Variants in GPM6A observed in about 807,000 individuals in gnomAD.
GPM6A encodes the protein neuronal membrane glycoprotein M6-a.
A neutral mutation model predicts 32.1 loss-of-function variants in GPM6A; 7 were observed. That is an observed-to-expected ratio of 0.22 (90% CI 0.12 to 0.41). The LOEUF (loss-of-function observed/expected upper bound fraction) is 0.41. GPM6A is among the 10% of genes least tolerant of loss of function. The pLI is 1.00. For synonymous variants in GPM6A, 130 were observed against 123.4 expected (o/e 1.05, Z -0.35); for missense variants, 235 against 347.2 (o/e 0.68, Z 2.57).
intron 3 of GPM6A, among the ~76,000 whole-genome samples, chr4:175,663,644 C>CTTTT (rs1475236577): frequency 6.6e-6 from 1 of 151,696 alleles, no homozygotes; most frequent in African/African-American, 2.4e-5. Context: ...ATATATACAA[C>CTTTT]TTTTACTTGT....
At chr4:175,751,681 G>GTATT (rs1316770869) in intron 1 of GPM6A, among the ~76,000 whole-genome samples, 1 of 151,414 alleles carries the variant, frequency 6.6e-6, no homozygotes, top group Non-Finnish European at 1.5e-5. Context: ...AGCTAATGTA[G>GTATT]TATTACATGT....
At chr4:175,637,295 TATTATATATTATATATAATATAA>T (rs1740741524) in intron 6 of GPM6A, among the ~76,000 whole-genome samples, 1 of 69,142 alleles carries the variant, frequency 1.4e-5, no homozygotes, top group African/African-American at 5.7e-5. Flanking sequence ...ATAAAATATA[TATTATATATTATATATAATATAA>T]AATATATATT....
intron 1 of GPM6A, among the ~76,000 whole-genome samples, chr4:175,965,943 A>T (rs959218118): frequency 6.6e-6 from 1 of 152,128 alleles, no homozygotes; most frequent in African/African-American, 2.4e-5. Context: ...ATCCATAGAC[A>T]TTTAAAAGCT....
intron 1 of GPM6A, among the ~76,000 whole-genome samples, chr4:175,759,642 T>C (rs1343313847): frequency 6.6e-6 from 1 of 152,124 alleles, no homozygotes; most frequent in African/African-American, 2.4e-5. Flanking sequence ...CTATGAATGG[T>C]GGTTATCCCA....
intron 1 of GPM6A, among the ~76,000 whole-genome samples, chr4:175,977,993 A>C (rs1300553754): frequency 6.6e-6 from 1 of 152,182 alleles, no homozygotes; most frequent in Admixed American, 6.5e-5. Flanking sequence ...GGTTTCTCCA[A>C]ATTTTCCAAA....
intron 1 of GPM6A, among the ~76,000 whole-genome samples, chr4:175,901,148 C>T (rs1026864276): frequency 4.9e-5 from 6 of 122,710 alleles, no homozygotes; most frequent in East Asian, 2.3e-4. Context: ...GGGCTGAGGG[C>T]GAAGTTGGGG....
At chr4:175,789,085 C>T (rs1733910366) in intron 1 of GPM6A, among the ~76,000 whole-genome samples, 1 of 152,160 alleles carries the variant, frequency 6.6e-6, no homozygotes, top group Non-Finnish European at 1.5e-5. Context: ...ATGAGGCCAG[C>T]AGGGTTTTAG....
chr4:175,806,607 A>C (rs1391280949), intron 1 of GPM6A, among the ~76,000 whole-genome samples: 1 of 152,214 alleles, frequency 6.6e-6, no homozygotes, highest in African/African-American at 2.4e-5. Flanking sequence ...TTATATCTAA[A>C]CCACAGCAGA....
intron 1 of GPM6A, among the ~76,000 whole-genome samples, chr4:175,770,145 G>T (rs1022004921): frequency 3.3e-5 from 5 of 152,120 alleles, no homozygotes; most frequent in African/African-American, 1.2e-4. Context: ...TCCTGCCTCA[G>T]CCTCCCAAGT....
chr4:175,876,449 C>T (rs906825455), intron 1 of GPM6A, among the ~76,000 whole-genome samples: 4 of 152,066 alleles, frequency 2.6e-5, no homozygotes, highest in African/African-American at 9.7e-5. Context: ...ACTTTTTGTC[C>T]TCAATTTCTG....
At chr4:175,862,512 C>A (rs1736604417) in intron 1 of GPM6A, among the ~76,000 whole-genome samples, 1 of 152,144 alleles carries the variant, frequency 6.6e-6, no homozygotes, top group Non-Finnish European at 1.5e-5. Context: ...TAATTTAGAA[C>A]AATTTATTAA....
At chr4:175,882,331 G>A (rs1448502037) in intron 1 of GPM6A, among the ~76,000 whole-genome samples, 1 of 151,928 alleles carries the variant, frequency 6.6e-6, no homozygotes, top group African/African-American at 2.4e-5. Context: ...TAATGCACAA[G>A]TGAGCAATAA....
At chr4:175,652,774 T>C (rs1018522523) in intron 3 of GPM6A, among the ~76,000 whole-genome samples, 2 of 152,090 alleles carry the variant, frequency 1.3e-5, no homozygotes, top group African/African-American at 4.8e-5. Context: ...TAAAAGGACA[T>C]GTAGATGTAT....
chr4:175,876,092 T>TA (rs1436892605), intron 1 of GPM6A, among the ~76,000 whole-genome samples: 1 of 152,164 alleles, frequency 6.6e-6, no homozygotes, highest in Non-Finnish European at 1.5e-5. Context: ...TTGAGAACGT[T>TA]AGACAAAATT....
chr4:175,658,815 G>A (rs916569884), intron 3 of GPM6A, among the ~76,000 whole-genome samples: 15 of 152,116 alleles, frequency 9.9e-5, no homozygotes, highest in African/African-American at 3.1e-4. Context: ...ATGTTAATAC[G>A]ATCTAAGTGT....
chr4:175,725,020 C>T (rs1749419245), intron 1 of GPM6A, among the ~76,000 whole-genome samples: 1 of 152,170 alleles, frequency 6.6e-6, no homozygotes, highest in Non-Finnish European at 1.5e-5. Flanking sequence ...CTAACCTCTT[C>T]ATTTGCCTTC....
At chr4:175,706,152 G>C (rs994676243) in intron 1 of GPM6A, among the ~76,000 whole-genome samples, 11 of 151,700 alleles carry the variant, frequency 7.3e-5, no homozygotes, top group East Asian at 5.8e-4. Flanking sequence ...AGATTGACTT[G>C]TACTAATACA....
At chr4:175,754,726 C>T (rs1202128982) in intron 1 of GPM6A, among the ~76,000 whole-genome samples, 1 of 152,104 alleles carries the variant, frequency 6.6e-6, no homozygotes, top group Non-Finnish European at 1.5e-5. Context: ...AAATAGAATG[C>T]ATAATCCAGG....
chr4:175,997,092 A>C (rs1741332230), intron 1 of GPM6A, among the ~76,000 whole-genome samples: 3 of 152,044 alleles, frequency 2.0e-5, no homozygotes, highest in African/African-American at 7.2e-5. Context: ...TATATATGTG[A>C]GCTCTCTTGG....
Sources: gnomAD v4.1 joint callset for allele counts (sites outside exome capture counted in the v4.1 genomes callset) on GRCh38, gnomAD v4.1.1 for gene constraint, MANE v1.5 for transcripts, NCBI Gene and HGNC (gene_info 2026-07-23, HGNC 2026-07-21) for gene names.